CLIP1: variants seen among roughly 807,000 people sequenced by gnomAD.
CLIP1 encodes the protein CAP-Gly domain-containing linker protein 1.
In CLIP1, 66 loss-of-function variants were observed where a neutral mutation model predicts 161.6. The ratio of observed to expected loss-of-function variants is 0.41; its 90% CI spans 0.33 to 0.50. CLIP1 has a LOEUF of 0.50. Ranked by LOEUF, CLIP1 falls within the 20% of genes least tolerant of loss-of-function variation. The pLI is 0.27. For missense variants in CLIP1, 1,376 were observed against 1,702.0 expected, an observed-to-expected ratio of 0.81 and a Z score of 3.37; for synonymous variants, 598 against 626.2, an observed-to-expected ratio of 0.96 and a Z score of 0.67.
intron 5 of CLIP1, among the ~76,000 whole-genome samples, chr12:122,357,182 T>C (rs1953449093): frequency 6.7e-6 from 1 of 149,746 alleles, no homozygotes; most frequent in Non-Finnish European, 1.5e-5. Context: ...CCGTCCCATC[T>C]AGGAAGTGAG....
chr12:122,346,998 T>G (rs1244201965), intron 10 of CLIP1, among the ~76,000 whole-genome samples: 1 of 152,168 alleles, frequency 6.6e-6, no homozygotes, highest in Non-Finnish European at 1.5e-5. Context: ...AAAAAATTAT[T>G]TAGAAAGCCT....
At chr12:122,348,658 A>C (rs564614260) in intron 9 of CLIP1, among the ~76,000 whole-genome samples, 1 of 152,210 alleles carries the variant, frequency 6.6e-6, no homozygotes, top group East Asian at 1.9e-4. Context: ...TCTCTTACAC[A>C]AGAGGTTATC....
intron 21 of CLIP1, among the ~76,000 whole-genome samples, chr12:122,286,214 C>T (rs532732151): frequency 2.0e-4 from 30 of 152,020 alleles, no homozygotes; most frequent in Middle Eastern, 3.4e-3. Flanking sequence ...AAATAAAAAC[C>T]GCACATTTTA....
At chr12:122,283,544 C>T (rs532077633) in intron 21 of CLIP1, among the ~76,000 whole-genome samples, 4 of 150,938 alleles carry the variant, frequency 2.7e-5, no homozygotes, top group South Asian at 2.1e-4. Context: ...CTGTAACCTC[C>T]GCCTCCTGAG....
At chr12:122,294,258 G>T (rs942349483) in intron 20 of CLIP1, among the ~76,000 whole-genome samples, 2 of 143,280 alleles carry the variant, frequency 1.4e-5, no homozygotes, top group African/African-American at 5.1e-5. Flanking sequence ...GAACCTGGGA[G>T]AAGGAGCTTG....
At chr12:122,316,307 C>T (rs1158480618) in intron 19 of CLIP1, among the ~76,000 whole-genome samples, 1 of 151,620 alleles carries the variant, frequency 6.6e-6, no homozygotes, top group East Asian at 2.0e-4. Flanking sequence ...ACCTGCTGGG[C>T]TCAAGCGATC....
At chr12:122,297,844 C>A (rs1413970217) in intron 20 of CLIP1, among the ~76,000 whole-genome samples, 3 of 152,236 alleles carry the variant, frequency 2.0e-5, no homozygotes, top group Non-Finnish European at 2.9e-5. Context: ...TGTTGCCCAG[C>A]TTCTGGGACA....
intron 1 of CLIP1, among the ~76,000 whole-genome samples, chr12:122,414,186 T>C (rs1388718811): frequency 1.3e-5 from 2 of 152,200 alleles, no homozygotes; most frequent in Non-Finnish European, 2.9e-5. Flanking sequence ...TTGTCCAGCT[T>C]GGAGTGCAGT....
chr12:122,334,660 T>C lies in CLIP1; in HGVS notation c.2614A>G (p.Arg872Gly). 1 of 1,587,260 alleles carries C rather than the reference T, an allele frequency of 6.3e-7. No individual in the cohort carries two copies. The highest frequency in any genetic ancestry group is 1.1e-5 in the South Asian group (1 of 87,244). ...TGGTAAGACATACCTTGCATACTTC[T>C]CTGAACAGAGACTGCCTCCTCTGAA... Reference protein sequence around the residue: ...EASEEAVSVQRSMQETVNKLH... With the variant: ...EASEEAVSVQGSMQETVNKLH... The change falls in exon 13 of 26, where the codon AGA becomes GGA. Residue 872 changes from arginine (R) to glycine (G), a missense_variant. Physicochemically the swap from Arg to Gly is moderately radical, Grantham distance 125 (BLOSUM62 -2). Coordinates refer to ENST00000620786, the MANE Select transcript of CLIP1 (RefSeq NM_001247997.2).
intron 17 of CLIP1, among the ~76,000 whole-genome samples, chr12:122,326,321 C>T (rs527653220): frequency 2.2e-4 from 34 of 151,684 alleles, no homozygotes; most frequent in Admixed American, 3.3e-4. Flanking sequence ...TGGTGGCTCA[C>T]GCCTGCAACC....
chr12:122,322,100 C>G (rs1467404332), intron 17 of CLIP1: 1 of 152,622 alleles, frequency 6.6e-6, no homozygotes, highest in Admixed American at 6.5e-5. Flanking sequence ...CAATACTTGA[C>G]CCTCTCACTT....
chr12:122,288,244 G>A (rs7970522), intron 21 of CLIP1, among the ~76,000 whole-genome samples: 1 of 152,056 alleles, frequency 6.6e-6, no homozygotes, highest in African/African-American at 2.4e-5. Flanking sequence ...ATGTTGGTCA[G>A]GCTGGTGTCG....
intron 17 of CLIP1, among the ~76,000 whole-genome samples, chr12:122,326,664 T>C (rs1048873834): frequency 2.0e-5 from 3 of 151,874 alleles, no homozygotes; most frequent in East Asian, 3.9e-4. Context: ...GGTGACAGAG[T>C]GAGACCTTGT....
intron 21 of CLIP1, among the ~76,000 whole-genome samples, chr12:122,282,747 G>A (rs1347743058): frequency 3.3e-5 from 5 of 151,942 alleles, no homozygotes; most frequent in Non-Finnish European, 7.4e-5. Flanking sequence ...GACAAAGGCA[G>A]CCAAAAAATA....
At chr12:122,286,781 G>A (rs1297511522) in intron 21 of CLIP1, among the ~76,000 whole-genome samples, 3 of 151,782 alleles carry the variant, frequency 2.0e-5, no homozygotes, top group African/African-American at 7.3e-5. Flanking sequence ...GGCGGATCAC[G>A]ACGTCAGGAG....
At chr12:122,303,901 CAACCGG>C (rs1452551415) in intron 20 of CLIP1, among the ~76,000 whole-genome samples, 1 of 152,158 alleles carries the variant, frequency 6.6e-6, no homozygotes, top group African/African-American at 2.4e-5. Context: ...GTACAATAGC[CAACCGG>C]GGATCAGACG....
chr12:122,314,560 A>C (rs966227375), intron 19 of CLIP1, among the ~76,000 whole-genome samples: 2 of 152,210 alleles, frequency 1.3e-5, no homozygotes, highest in Admixed American at 1.3e-4. Flanking sequence ...CCTCTTGGCC[A>C]GGTCCACTTG....
chr12:122,349,418 C>CCGT (rs1952913396), intron 9 of CLIP1, among the ~76,000 whole-genome samples: 2 of 152,230 alleles, frequency 1.3e-5, no homozygotes, highest in African/African-American at 2.4e-5. Context: ...GCCTCAGCCT[C>CCGT]CGTAGTAGCT....
At chr12:122,343,228 G>A (rs900855066) in intron 10 of CLIP1, 2 of 149,356 alleles carry the variant, frequency 1.3e-5, no homozygotes, top group African/African-American at 2.5e-5. Context: ...CCACCTCCCA[G>A]GTTCAAGCGA....
Sources: allele counts gnomAD v4.1 joint callset (sites outside exome capture counted in the v4.1 genomes callset), GRCh38; gene constraint gnomAD v4.1.1; transcripts MANE v1.5; gene names NCBI Gene and HGNC (gene_info 2026-07-23, HGNC 2026-07-21).